DIXDC1: variants seen among roughly 807,000 people sequenced by gnomAD.
The protein encoded by DIXDC1 is DIX domain containing 1.
A neutral mutation model predicts 103.1 loss-of-function variants in DIXDC1; 64 were observed. That is an observed-to-expected ratio of 0.62 (90% CI 0.51 to 0.76). DIXDC1 has a LOEUF of 0.76. DIXDC1 is among the 30% of genes least tolerant of loss of function. DIXDC1 has a pLI of 0.00. For missense variants in DIXDC1, 759 were observed against 834.2 expected (o/e 0.91, Z 1.11); for synonymous variants, 266 against 298.5 (o/e 0.89, Z 1.12).
intron 2 of DIXDC1, among the ~76,000 whole-genome samples, chr11:111,931,879 C>G (rs1555167699): frequency 1.1e-4 from 17 of 152,146 alleles, no homozygotes. Context: ...TGATGTGGAG[C>G]TCTGACACCT....
At chr11:111,975,239 G>C (rs1368692948) in intron 5 of DIXDC1, 22 of 1,271,466 alleles carry the variant, frequency 1.7e-5, no homozygotes, top group Non-Finnish European at 2.1e-5. Flanking sequence ...GTGACCACAT[G>C]GGGGCATGGC....
At chr11:112,002,620 G>T (rs1262714294) in intron 17 of DIXDC1, among the ~76,000 whole-genome samples, 1 of 152,060 alleles carries the variant, frequency 6.6e-6, no homozygotes, top group Non-Finnish European at 1.5e-5. Context: ...GCAAGACCTT[G>T]TCTCTACTAA....
At chr11:111,937,138 G>A (rs1392864264), upstream of DIXDC1, 4 of 743,400 alleles carry the variant, frequency 5.4e-6, no homozygotes, top group Non-Finnish European at 6.6e-6. Flanking sequence ...GGGCGGGGGG[G>A]GGGTGTGCGC....
chr11:111,974,980 C>G lies in DIXDC1; in HGVS notation c.653C>G (p.Ser218Cys), dbSNP rs377211898. ...QQRSPSESSC[S>C]SLTSPSPIHS... ...AGGTCCCCGTCTGAATCCAGCTGCT[C>G]CAGGTAACTGTGGCCTCTGAAACCT... Residue 218 changes from serine to cysteine, a missense_variant, in exon 5 of 20, where the codon TCC (serine) becomes TGC (cysteine). Physicochemically the swap from Ser to Cys is moderately radical, Grantham distance 112. Coordinates refer to ENST00000440460, the MANE Select transcript of DIXDC1 (RefSeq NM_001037954.4). 3 of 1,610,444 alleles carry G rather than the reference C, an allele frequency of 1.9e-6. No individual in the cohort carries two copies. The highest frequency in any genetic ancestry group is 2.5e-6 in the Non-Finnish European group (3 of 1,178,674).
intron 11 of DIXDC1, 64 bp downstream of exon 11, chr11:111,992,583 A>C (rs1592606259): frequency 7.3e-7 from 1 of 1,376,028 alleles, no homozygotes; most frequent in Non-Finnish European, 1.0e-6. Flanking sequence ...TACTGCACGA[A>C]GAACTATTAG....
intron 10 of DIXDC1, among the ~76,000 whole-genome samples, chr11:111,990,926 C>T (rs587756543): frequency 4.6e-5 from 7 of 152,060 alleles, no homozygotes; most frequent in East Asian, 1.9e-4. Flanking sequence ...AGGCTGGTCT[C>T]GAACTCCTGA....
At chr11:111,994,877 G>T in intron 14 of DIXDC1, 142 bp from the exon 15 acceptor site, 1 of 785,824 alleles carries the variant, frequency 1.3e-6, no homozygotes. Flanking sequence ...ACTTAAGAAA[G>T]ATACATTCTA....
rs1356505478 is a variant in DIXDC1, at chr11:111,998,788, C to A, written c.1756+2642C>A. Among the ~76,000 whole-genome samples, 1 of 152,178 alleles carries A rather than the reference C, an allele frequency of 6.6e-6. No individual in the cohort carries two copies. The highest frequency in any genetic ancestry group is 1.5e-5 in the Non-Finnish European group (1 of 68,032). On this transcript the variant is annotated intron_variant, in intron 17 of 19. Coordinates refer to ENST00000440460, the MANE Select transcript of DIXDC1 (RefSeq NM_001037954.4). The surrounding 1 kb of genome is among the most constrained non-coding windows in gnomAD (Gnocchi z 4.1). ...AGCTCAGGCAATCCACCCACCCCGG[C>A]CTCCCAAAGTGCTGGGATTACAGGC...
intron 1 of DIXDC1, among the ~76,000 whole-genome samples, chr11:111,960,857 G>T (rs1047589015): frequency 6.6e-6 from 1 of 152,080 alleles, no homozygotes; most frequent in Non-Finnish European, 1.5e-5. Context: ...GGACTGTTTC[G>T]CTGGGAAAAG....
intron 1 of DIXDC1, among the ~76,000 whole-genome samples, chr11:111,963,338 C>T (rs1369921799): frequency 6.6e-6 from 1 of 152,178 alleles, no homozygotes; most frequent in Non-Finnish European, 1.5e-5. Context: ...TCCTCCTGAT[C>T]GTTGCACTTC....
chr11:111,952,010 T>C (rs587774360), intron 1 of DIXDC1, among the ~76,000 whole-genome samples: 1 of 151,978 alleles, frequency 6.6e-6, no homozygotes, highest in Non-Finnish European at 1.5e-5. Flanking sequence ...GGATTACAAG[T>C]GTGTGCCACC....
chr11:111,942,445 A>G (rs1555168958), intron 1 of DIXDC1, among the ~76,000 whole-genome samples: 1 of 152,220 alleles, frequency 6.6e-6, no homozygotes, highest in African/African-American at 2.4e-5. Context: ...TTATTCCCCC[A>G]AACCAAGCTC....
chr11:111,951,774 T>C (rs186555777), intron 1 of DIXDC1, among the ~76,000 whole-genome samples: 57 of 152,294 alleles, frequency 3.7e-4, no homozygotes, highest in Middle Eastern at 6.8e-3. Context: ...TCTTTTTGTC[T>C]GCTGCCATCC....
intron 12 of DIXDC1, 72 bp from the exon 13 acceptor site, chr11:111,993,424 T>TA (rs1860771994): frequency 2.1e-5 from 32 of 1,540,180 alleles, no homozygotes; most frequent in Non-Finnish European, 2.9e-5. Context: ...GAGTGGAAGT[T>TA]ACACTGCAGA....
At chr11:111,982,240 C>T (rs957073023) in intron 6 of DIXDC1, 99 bp from the exon 7 acceptor site, 100 of 1,342,636 alleles carry the variant, frequency 7.4e-5, no homozygotes, top group African/African-American at 1.2e-4. Context: ...AGGTTCAGAA[C>T]GCAGGTGACC....
chr11:111,931,983 T>C (rs1966032997), intron 2 of DIXDC1, among the ~76,000 whole-genome samples: 1 of 151,526 alleles, frequency 6.6e-6, no homozygotes, highest in African/African-American at 2.4e-5. Context: ...CAGATGTCGC[T>C]AGTCTTAATA....
intron 17 of DIXDC1, among the ~76,000 whole-genome samples, chr11:112,013,321 T>TGGGGGGGGGGGGGGGGGGGGGGGGGG (rs1403269609): frequency 2.8e-5 from 1 of 35,700 alleles, no homozygotes; most frequent in Non-Finnish European, 5.7e-5. Flanking sequence ...GGTCGGGGGG[T>TGGGGGGGGGGGGGGGGGGGGGGGGGG]GGGGGTGGGG....
chr11:111,975,079 T>C, intron 5 of DIXDC1, 96 bp downstream of exon 5: 1 of 1,534,234 alleles, frequency 6.5e-7, no homozygotes, highest in Non-Finnish European at 8.8e-7. Flanking sequence ...TAAGCCCTTT[T>C]TCTCCCCTCA....
chr11:111,940,339 A>G (rs587726337), intron 1 of DIXDC1, among the ~76,000 whole-genome samples: 4 of 152,308 alleles, frequency 2.6e-5, no homozygotes, highest in African/African-American at 9.6e-5. Context: ...TTGGATGGCA[A>G]ATTATCCACA....
Sources: allele counts gnomAD v4.1 joint callset (sites outside exome capture counted in the v4.1 genomes callset), GRCh38; gene constraint gnomAD v4.1.1; non-coding constraint Gnocchi (gnomAD v3.1); transcripts MANE v1.5; gene names NCBI Gene and HGNC (gene_info 2026-07-23, HGNC 2026-07-21).